The following FBF1 variants were observed in gnomAD, a reference collection of about 807,000 sequenced individuals.
FBF1 encodes fas-binding factor 1.
Under a neutral mutation model 147.2 loss-of-function variants are expected in FBF1, and 119 were observed. The observed-to-expected ratio is 0.81, with a 90% confidence interval of 0.70 to 0.94. The LOEUF (loss-of-function observed/expected upper bound fraction) is 0.94, where lower values mean the gene tolerates loss of function less well. Ranked by LOEUF, FBF1 falls within the 40% of genes least tolerant of loss-of-function variation. The probability of loss-of-function intolerance (pLI) is 0.00; values close to 1 mark genes in which losing one functional copy is unlikely to be tolerated. For missense variants in FBF1, 1,449 were observed against 1,500.8 expected, an observed-to-expected ratio of 0.97 and a Z score of 0.57; for synonymous variants, 601 against 609.0, an observed-to-expected ratio of 0.99 and a Z score of 0.19.
intron 3 of FBF1, 110 bp downstream of exon 3, chr17:75,937,456 C>G (rs1454343863): frequency 2.4e-6 from 3 of 1,273,068 alleles, no homozygotes; most frequent in Non-Finnish European, 2.3e-6. Flanking sequence ...AGGTGTGAGC[C>G]ACCGTGCCCG....
Position 75,928,372 on chromosome 17 carries a change from G to C in FBF1, c.280-179C>G, listed in dbSNP as rs1331404556. On this transcript the variant is annotated intron_variant, in intron 7 of 29. Transcript: ENST00000636174. This position sits in a 1 kb window ranked among gnomAD's most constrained non-coding sequence, Gnocchi z 4.2. ...AGAAAATGGAACTAAAGGTAAGCAG[G>C]GGGAGGTGGAATGGAGTCCAGCTCA... Among the ~76,000 whole-genome samples, 1 of 152,126 alleles carries C rather than the reference G, an allele frequency of 6.6e-6. No individual in the cohort carries two copies. The highest frequency in any genetic ancestry group is 1.5e-5 in the Non-Finnish European group (1 of 68,026).
rs769960434 is a variant in FBF1 at position 75,921,596 on chromosome 17, C to G, written c.1527-36G>C. ...AGGGATGGGGCATGGTGAGCAGCCTCTGTGTGGGACACGGGGACGGGGCAG... is the reference window on the plus strand; with the variant it reads ...AGGGATGGGGCATGGTGAGCAGCCTGTGTGTGGGACACGGGGACGGGGCAG... On this transcript the variant is annotated intron_variant, in intron 15 of 29. Coordinates refer to ENST00000636174, the MANE Select transcript of FBF1 (RefSeq NM_001319193.2). 2.5e-5 allele frequency: 33 copies of G among 1,314,684 alleles called. No homozygotes were observed. In the East Asian group the frequency reaches 1.0e-3, roughly 41 times the overall value. The allele number at this position is 1,314,684 out of a possible 1,614,324, so 81.4% of individuals were successfully genotyped here. A position where few individuals can be genotyped will look rare whatever the true frequency, so the allele number is the denominator to read the frequency against.
At position 75,938,230 on chromosome 17, in the gene FBF1, TC is replaced by T; in HGVS notation, c.-82del. 1 of 1,590,214 alleles carries T rather than the reference TC, an allele frequency of 6.3e-7. No homozygotes were observed. The highest frequency in any genetic ancestry group is 8.6e-7 in the Non-Finnish European group (1 of 1,162,402). ...GATTCTGCCCACATCAGGCTCATACTCCCTAATGAAGAAAATTAAAGTGGTT... is the reference window on the plus strand; with the variant it reads ...GATTCTGCCCACATCAGGCTCATACTCCTAATGAAGAAAATTAAAGTGGTT... On this transcript the variant is annotated splice_region_variant and 5_prime_UTR_variant, in exon 2 of 30. Transcript: ENST00000636174.
At position 75,919,563 on chromosome 17, in the gene FBF1, CCT is replaced by C. The variant is rs1598154369; in HGVS notation, c.2138+103_2138+104del. 6 of 1,317,694 alleles carry C rather than the reference CCT, an allele frequency of 4.6e-6. No homozygotes were observed. Among genetic ancestry groups the C allele is most frequent in the Non-Finnish European group, 6.2e-6 (6 of 963,236 alleles). The allele number at this position is 1,317,694 out of a possible 1,614,324, so 81.6% of individuals were successfully genotyped here. ...TGGACTGGGAGGGAAGGACCCAACC[CCT>C]GTCCAAAGGCTGCTGAGCCACAGCG... On this transcript the variant is annotated intron_variant, in intron 20 of 29. Coordinates refer to ENST00000636174, the MANE Select transcript of FBF1 (RefSeq NM_001319193.2). The surrounding 1 kb of genome is among the most constrained non-coding windows in gnomAD (Gnocchi z 5.0).
rs1232820998 is a variant in FBF1 at position 75,923,300 on chromosome 17, C to T, written c.1310G>A (p.Trp437Ter). ...LRASKEEKED[W>*]LSHALSRKKS... ...CTTCCGAGACAGGGCATGGCTCAGC[C>T]AGTCCTCTTTCTCCTCCTTGGAGGC... The change falls in exon 14 of 30, where the codon TGG (tryptophan) becomes TAG (stop). Residue 437 changes from tryptophan to a stop codon, truncating the protein, a stop_gained. Transcript: ENST00000636174. LOFTEE classifies it high-confidence loss of function. The surrounding 1 kb of genome is among the most constrained non-coding windows in gnomAD (Gnocchi z 4.1). 1.3e-6 allele frequency: 2 copies of T among 1,593,976 alleles called. No homozygotes were observed. Among genetic ancestry groups the T allele is most frequent in the Admixed American group, 3.5e-5 (2 of 56,882 alleles).
chr17:75,933,009 TGAA>T lies in FBF1; in HGVS notation c.150_152del (p.Ser51del). 1 of 1,600,524 alleles carries T rather than the reference TGAA, an allele frequency of 6.2e-7. No homozygotes were observed. Among genetic ancestry groups the T allele is most frequent in the Non-Finnish European group, 8.6e-7 (1 of 1,169,340 alleles). On this transcript the variant is annotated inframe_deletion, in exon 5 of 30. Coordinates refer to ENST00000636174, the MANE Select transcript of FBF1 (RefSeq NM_001319193.2). The stretch of plus-strand genomic sequence containing the variant: ...CCTGCCCTTACTTTGTTCTCGCCTT[TGAA>T]GAAGGGAACATCTGAGATACACCTG...
rs1397218968 is a variant in FBF1 at position 75,926,693 on chromosome 17, G to A, written c.595+65C>T. 8 of 1,560,754 alleles carry A rather than the reference G, an allele frequency of 5.1e-6. No homozygotes were observed. In the Admixed American group the frequency reaches 1.5e-4, roughly 30 times the overall value. ...GAGGCCTCTGGTTCTGCACCAGAAA[G>A]GCTGGTTAGCTTGTTGCCAATAAAC... On this transcript the variant is annotated intron_variant, in intron 10 of 29. Coordinates refer to ENST00000636174, the MANE Select transcript of FBF1 (RefSeq NM_001319193.2).
chr17:75,927,094 C>T (rs902476208), intron 9 of FBF1, among the ~76,000 whole-genome samples: 7 of 152,150 alleles, frequency 4.6e-5, no homozygotes, highest in East Asian at 1.9e-4. Flanking sequence ...CCTGGACCTA[C>T]GGGGCCTGCC....
In FBF1 at chr17:75,919,888, A is replaced by T. The variant is rs1389553188; in HGVS notation, c.1932-14T>A. 6.2e-7 allele frequency: 1 copy of T among 1,613,494 alleles called. No individual in the cohort carries two copies. Among genetic ancestry groups the T allele is most frequent in the Non-Finnish European group, 8.5e-7 (1 of 1,179,848 alleles). On this transcript the variant is annotated splice_polypyrimidine_tract_variant and intron_variant, in intron 19 of 29. Coordinates refer to ENST00000636174, the MANE Select transcript of FBF1 (RefSeq NM_001319193.2). This position sits in a 1 kb window ranked among gnomAD's most constrained non-coding sequence, Gnocchi z 5.0. ...TTGATGCGGCTTCTGCCAACAGAAC[A>T]CCCAGCCATGGCGCAAGGAAGGCAG...
chr17:75,931,838 G>A (rs1198290820), intron 5 of FBF1, among the ~76,000 whole-genome samples: 1 of 151,972 alleles, frequency 6.6e-6, no homozygotes, highest in African/African-American at 2.4e-5. Flanking sequence ...GATCACAAGA[G>A]GGAGGAGGGC....
chr17:75,931,823 C>T (rs2144189824), intron 5 of FBF1, among the ~76,000 whole-genome samples: 3 of 152,022 alleles, frequency 2.0e-5, no homozygotes, highest in Admixed American at 2.0e-4. Flanking sequence ...AAAACAACTG[C>T]TCCAGATCAC....
Position 75,921,566 on chromosome 17 carries a change from G to T in FBF1, c.1527-6C>A. On this transcript the variant is annotated splice_region_variant and splice_polypyrimidine_tract_variant and intron_variant, in intron 15 of 29. Coordinates refer to ENST00000636174, the MANE Select transcript of FBF1 (RefSeq NM_001319193.2). ...GGTTCTGAGTCACAGGGGACCTGAGGACACAGGGATGGGGCATGGTGAGCA... is the reference window on the plus strand; with the variant it reads ...GGTTCTGAGTCACAGGGGACCTGAGTACACAGGGATGGGGCATGGTGAGCA... 6.3e-7 allele frequency: 1 copy of T among 1,592,000 alleles called. No individual in the cohort carries two copies. Among genetic ancestry groups the T allele is most frequent in the Non-Finnish European group, 8.6e-7 (1 of 1,167,350 alleles).
rs757282437 is a variant in FBF1, at chr17:75,910,782, G to A, written c.3388C>T (p.Gln1130Ter). ...EQDRDFLENEQFFLETLKKGS... is the reference protein window; with the variant it reads ...EQDRDFLENE ...TTCTTCAGGGTCTCCAGGAAGAACT[G>A]TTCATTCTCCAAGAAGTCACGGTCC... The change falls in exon 30 of 30, where the codon CAG becomes TAG. Residue 1130 changes from glutamine (Q) to a stop codon, truncating the protein, a stop_gained. Coordinates refer to ENST00000636174, the MANE Select transcript of FBF1 (RefSeq NM_001319193.2). LOFTEE classifies it high-confidence loss of function. This position sits in a 1 kb window ranked among gnomAD's most constrained non-coding sequence, Gnocchi z 4.1. The A allele has an allele frequency of 1.9e-6, 3 of 1,611,170 alleles. No individual in the cohort carries two copies. The highest frequency in any genetic ancestry group is 2.5e-6 in the Non-Finnish European group (3 of 1,178,814).
intron 28 of FBF1, among the ~76,000 whole-genome samples, chr17:75,912,521 T>C (rs1211505307): frequency 6.6e-6 from 1 of 152,204 alleles, no homozygotes; most frequent in Admixed American, 6.5e-5. Flanking sequence ...AGTGAAATAA[T>C]CAGGCAAAGG....
In FBF1 at chr17:75,918,682, G is replaced by T. The variant is rs1026630902; in HGVS notation, c.2139-413C>A. 6.6e-6 allele frequency among the ~76,000 whole-genome samples: 1 copy of T among 152,022 alleles called. No homozygotes were observed. On this transcript the variant is annotated intron_variant, in intron 20 of 29. Coordinates refer to ENST00000636174, the MANE Select transcript of FBF1 (RefSeq NM_001319193.2). This position sits in a 1 kb window ranked among gnomAD's most constrained non-coding sequence, Gnocchi z 5.8. ...ATTTTTTATATTTTAGTAGAGATGG[G>T]GTTTCCACCGTGTTGCCCAGGCTGG...
chr17:75,918,004 G>A lies in FBF1; in HGVS notation c.2313C>T (p.Arg771=), dbSNP rs759210559. Residue 771 remains arginine (R), a synonymous_variant, in exon 22 of 30, where the codon CGC becomes CGT. Transcript: ENST00000636174. This position sits in a 1 kb window ranked among gnomAD's most constrained non-coding sequence, Gnocchi z 5.8. ...AGGTGGTGAGGTGCGAGGCCTCCAC[G>A]CGGGAGGACAACTCGTGCAGGCTGC... ...FSSSLHELSS[R]VEASHLTTSQ... 9.9e-6 allele frequency: 16 copies of A among 1,612,458 alleles called. No homozygotes were observed. Among genetic ancestry groups the A allele is most frequent in the Middle Eastern group, 1.6e-4 (1 of 6,080 alleles).
chr17:75,911,317 A>G (rs1354951660), intron 29 of FBF1, among the ~76,000 whole-genome samples: 1 of 152,146 alleles, frequency 6.6e-6, no homozygotes, highest in African/African-American at 2.4e-5. Context: ...GCACACAGGA[A>G]ATGCTCCATA....
At position 75,923,632 on chromosome 17, in the gene FBF1, G is replaced by A. The variant is rs757661741; in HGVS notation, c.978C>T (p.Phe326=). 46 of 1,601,734 alleles carry A rather than the reference G, an allele frequency of 2.9e-5. No homozygotes were observed. The highest frequency in any genetic ancestry group is 1.0e-4 in the Admixed American group (6 of 58,628). ...QSRRQSVSRF[F]ADSGADPKGE... ...CCTTGGGGTCTGCGCCACTGTCTGC[G>A]AAGAACCTACTTCAAGACAGAAAGG... is the stretch of plus-strand genomic sequence containing the variant. Residue 326 remains phenylalanine, a synonymous_variant, in exon 14 of 30, where the codon TTC becomes TTT. Transcript: ENST00000636174. This position sits in a 1 kb window ranked among gnomAD's most constrained non-coding sequence, Gnocchi z 4.1.
intron 28 of FBF1, 22 bp from the exon 29 acceptor site, chr17:75,912,329 T>G: frequency 6.5e-7 from 1 of 1,540,814 alleles, no homozygotes; most frequent in Non-Finnish European, 8.8e-7. Context: ...AAGGAGGAAG[T>G]CAGGGACCAA....
Sources: gnomAD v4.1 joint callset for allele counts (sites outside exome capture counted in the v4.1 genomes callset) on GRCh38, gnomAD v4.1.1 for gene constraint, Gnocchi (gnomAD v3.1) non-coding constraint, MANE v1.5 for transcripts, NCBI Gene and HGNC (gene_info 2026-07-23, HGNC 2026-07-21) for gene names.